Variants in NCOA6 observed in about 807,000 individuals in gnomAD.
NCOA6 encodes the protein nuclear receptor coactivator 6, also known as NRC RAP250.
Under a neutral mutation model 171.4 loss-of-function variants are expected in NCOA6, and 49 were observed. The observed-to-expected ratio is 0.29, with a 90% CI of 0.23 to 0.36. NCOA6 has a LOEUF of 0.36. Ranked by LOEUF, NCOA6 falls within the 10% of genes least tolerant of loss-of-function variation. NCOA6 has a pLI of 1.00. For synonymous variants in NCOA6, 910 were observed against 927.5 expected, an observed-to-expected ratio of 0.98 and a Z score of 0.34; for missense variants, 2,248 against 2,554.5, an observed-to-expected ratio of 0.88 and a Z score of 2.59.
chr20:34,749,578 C>T lies in NCOA6; in HGVS notation c.2617G>A (p.Gly873Ser). Reference protein sequence around the residue: ...GNQMSCGQNPGFPVNKDVTLT... With the variant: ...GNQMSCGQNPSFPVNKDVTLT... ...GTGACATCCTTATTGACTGGGAAGC[C>T]TGGATTTTGACCACAGGACATCTGA... The change falls in exon 9 of 15, where the codon GGC (glycine) becomes AGC (serine). Residue 873 changes from glycine to serine, a missense_variant. Coordinates refer to ENST00000359003, the MANE Select transcript of NCOA6 (RefSeq NM_014071.5). The T allele has an allele frequency of 6.2e-7, 1 of 1,614,174 alleles. No homozygotes were observed. Among genetic ancestry groups the T allele is most frequent in the Non-Finnish European group, 8.5e-7 (1 of 1,180,034 alleles).
At position 34,765,454 on chromosome 20, in the gene NCOA6, A is replaced by G. The variant is rs1026686267; in HGVS notation, c.514+3010T>C. Among the ~76,000 whole-genome samples the G allele has an allele frequency of 6.6e-5, 10 of 151,958 alleles. No homozygotes were observed. In the South Asian group the frequency reaches 8.3e-4, roughly 13 times the overall value. Reference sequence around the variant, plus strand: ...GAGTCCGTCTCAAAAAAAAAAAAAAAAAAGAAACAGGTCTTCTTGGTCCAT... The same window carrying G: ...GAGTCCGTCTCAAAAAAAAAAAAAAGAAAGAAACAGGTCTTCTTGGTCCAT... On this transcript the variant is annotated intron_variant, in intron 5 of 14. Transcript: ENST00000359003.
chr20:34,734,145 A>G (rs1185655805), intron 12 of NCOA6, among the ~76,000 whole-genome samples: 1 of 151,662 alleles, frequency 6.6e-6, no homozygotes, highest in Admixed American at 6.6e-5. Flanking sequence ...ACTCACTGCA[A>G]CCCCCACCTC....
At chr20:34,738,453 T>C (rs1487625242) in intron 11 of NCOA6, among the ~76,000 whole-genome samples, 1 of 152,210 alleles carries the variant, frequency 6.6e-6, no homozygotes, top group African/African-American at 2.4e-5. Context: ...ATGGAAATAC[T>C]TAATAGTGAA....
chr20:34,775,140 CAG>C (rs2077268972), intron 4 of NCOA6, among the ~76,000 whole-genome samples: 1 of 152,062 alleles, frequency 6.6e-6, no homozygotes, highest in Admixed American at 6.6e-5. Flanking sequence ...AGCTGGAACA[CAG>C]GGGGCAAGGG....
intron 4 of NCOA6, among the ~76,000 whole-genome samples, chr20:34,775,016 A>C (rs1409184277): frequency 3.3e-5 from 5 of 152,188 alleles, no homozygotes; most frequent in Non-Finnish European, 7.3e-5. Flanking sequence ...TTAAGCTGAT[A>C]CTTGAAGGCT....
intron 14 of NCOA6, among the ~76,000 whole-genome samples, chr20:34,719,436 G>A (rs1420357311): frequency 6.6e-6 from 1 of 152,118 alleles, no homozygotes; most frequent in Non-Finnish European, 1.5e-5. Flanking sequence ...TTCAAGACCA[G>A]CCTGGCCAAC....
In NCOA6 at chr20:34,743,070, G is replaced by A. The variant is rs370847683; in HGVS notation, c.3186C>T (p.Asn1062=). ...QNVHPPRGPL[N]PDSQRMPMQQ... is the part of the protein sequence containing the mutation. ...GCATGGGCATTCTCTGGGAGTCGGG[G>A]TTCAGGGGGCCCCTTGGAGGATGGA... Residue 1062 remains asparagine (N), a synonymous_variant, in exon 11 of 15, where the codon AAC becomes AAT. Transcript: ENST00000359003. The A allele has an allele frequency of 2.4e-5, 39 of 1,613,638 alleles. No homozygotes were observed. The highest frequency in any genetic ancestry group is 3.0e-5 in the Non-Finnish European group (35 of 1,179,744).
intron 1 of NCOA6, among the ~76,000 whole-genome samples, chr20:34,804,143 T>C (rs1159214575): frequency 6.6e-6 from 1 of 151,822 alleles, no homozygotes; most frequent in Non-Finnish European, 1.5e-5. Flanking sequence ...TGGAGACCAG[T>C]CTGACCAATA....
At chr20:34,767,423 G>GTAGC (rs1381153726) in intron 5 of NCOA6, among the ~76,000 whole-genome samples, 1 of 152,080 alleles carries the variant, frequency 6.6e-6, no homozygotes, top group Non-Finnish European at 1.5e-5. Flanking sequence ...AGCTTCTCAA[G>GTAGC]TAGCTGGGAT....
At chr20:34,775,798 G>A (rs1190205571) in intron 4 of NCOA6, among the ~76,000 whole-genome samples, 2 of 152,018 alleles carry the variant, frequency 1.3e-5, no homozygotes, top group African/African-American at 4.8e-5. Flanking sequence ...TTATTTGGTG[G>A]AAGGAAGGAA....
intron 14 of NCOA6, 57 bp downstream of exon 14, chr20:34,727,202 G>A (rs1217838854): frequency 3.2e-6 from 5 of 1,575,672 alleles, no homozygotes; most frequent in Non-Finnish European, 4.3e-6. Flanking sequence ...TACTGCTGTG[G>A]TAAGAACTCT....
chr20:34,760,286 A>T (rs2076778638), intron 5 of NCOA6, among the ~76,000 whole-genome samples: 1 of 152,214 alleles, frequency 6.6e-6, no homozygotes, highest in African/African-American at 2.4e-5. Flanking sequence ...TCAAGAAAAA[A>T]AAGTGACAAC....
chr20:34,758,685 A>G, intron 6 of NCOA6, 120 bp downstream of exon 6: 1 of 1,309,430 alleles, frequency 7.6e-7, no homozygotes, highest in Non-Finnish European at 1.1e-6. Context: ...CAGATTTTGT[A>G]AAGAAGGTTG....
intron 11 of NCOA6, 67 bp downstream of exon 11, chr20:34,740,296 C>T (rs1723076231): frequency 5.2e-6 from 8 of 1,529,296 alleles, no homozygotes; most frequent in Admixed American, 2.1e-5. Flanking sequence ...AGGAGTCATG[C>T]TTTCTCTTGT....
At chr20:34,745,909 T>C (rs1377998025) in intron 10 of NCOA6, among the ~76,000 whole-genome samples, 1 of 152,214 alleles carries the variant, frequency 6.6e-6, no homozygotes, top group Non-Finnish European at 1.5e-5. Flanking sequence ...ATTTAAAGGA[T>C]AGTATTATTT....
chr20:34,825,403 C>A (rs2079124286), intron 1 of NCOA6, 69 bp downstream of exon 1: 1 of 149,850 alleles, frequency 6.7e-6, no homozygotes, highest in South Asian at 2.1e-4. Context: ...CCCCGCGAAG[C>A]CAGCCCGACA....
At position 34,782,110 on chromosome 20, in the gene NCOA6, A is replaced by G; in HGVS notation, c.235+11T>C. 1 of 1,520,618 alleles carries G rather than the reference A, an allele frequency of 6.6e-7. No individual in the cohort carries two copies. Among genetic ancestry groups the G allele is most frequent in the Non-Finnish European group, 9.0e-7 (1 of 1,114,250 alleles). 94.2% of individuals were successfully genotyped at this position (1,520,618 alleles called of 1,614,324 possible). A position where few individuals can be genotyped will look rare whatever the true frequency, so the allele number is the denominator to read the frequency against. ...CAGTAACAGGAAGAAAAAATAATTA[A>G]AGCAAATTACCCATGTGTAACAAAT... On this transcript the variant is annotated intron_variant, in intron 3 of 14. Transcript: ENST00000359003.
chr20:34,747,890 G>C (rs1299691737), intron 9 of NCOA6, among the ~76,000 whole-genome samples: 1 of 152,166 alleles, frequency 6.6e-6, no homozygotes, highest in Admixed American at 6.5e-5. Flanking sequence ...AAATTGTAGA[G>C]ATAAGAAATC....
chr20:34,784,519 T>C (rs1406050871), intron 2 of NCOA6, among the ~76,000 whole-genome samples: 1 of 152,126 alleles, frequency 6.6e-6, no homozygotes, highest in Non-Finnish European at 1.5e-5. Flanking sequence ...AGCTACCATG[T>C]CCAACCAATT....
Sources: allele counts gnomAD v4.1 joint callset (sites outside exome capture counted in the v4.1 genomes callset), GRCh38; gene constraint gnomAD v4.1.1; transcripts MANE v1.5; gene names NCBI Gene and HGNC (gene_info 2026-07-23, HGNC 2026-07-21).